ARMC8: variants seen among roughly 807,000 people sequenced by gnomAD.
The protein encoded by ARMC8 is armadillo repeat-containing protein 8.
Under a neutral mutation model 99.3 loss-of-function variants are expected in ARMC8, and 20 were observed. The ratio of observed to expected loss-of-function variants is 0.20; its 90% CI spans 0.14 to 0.29. The LOEUF (loss-of-function observed/expected upper bound fraction) is 0.29. Ranked by LOEUF, ARMC8 falls within the 10% of genes least tolerant of loss-of-function variation. The pLI, the probability that ARMC8 is intolerant of heterozygous loss-of-function variation, is 1.00. For missense variants in ARMC8, 569 were observed against 809.5 expected (o/e 0.70, Z 3.60); for synonymous variants, 263 against 278.3 (o/e 0.95, Z 0.55).
Position 138,245,112 on chromosome 3 carries a change from C to T in ARMC8, c.1063C>T (p.His355Tyr). The T allele has an allele frequency of 2.5e-6, 4 of 1,613,984 alleles. No homozygotes were observed. Among genetic ancestry groups the T allele is most frequent in the South Asian group, 1.1e-5 (1 of 91,058 alleles). Residue 355 changes from histidine to tyrosine, a missense_variant, in exon 12 of 22, where the codon CAC becomes TAC. This residue lies in a region of ARMC8 where 227 missense variants were observed against 417.9 expected (regional missense o/e 0.54). Coordinates refer to ENST00000469044, the MANE Select transcript of ARMC8 (RefSeq NM_001363941.2). The stretch of plus-strand genomic sequence containing the variant: ...GCTTGATCATGATTTAAAACATGCT[C>T]ACGAACTCCGCCAGGCTGCATTCAA... ...KRLDHDLKHA[H>Y]ELRQAAFKLY...
Position 138,228,998 on chromosome 3 carries a change from A to G in ARMC8, c.516A>G (p.Ser172=), listed in dbSNP as rs1423492691. The G allele has an allele frequency of 5.0e-6, 8 of 1,607,540 alleles. No individual in the cohort carries two copies. The highest frequency in any genetic ancestry group is 6.8e-6 in the Non-Finnish European group (8 of 1,176,002). The change falls in exon 6 of 22, where the codon TCA becomes TCG. Residue 172 remains serine, a synonymous_variant. Coordinates refer to ENST00000469044, the MANE Select transcript of ARMC8 (RefSeq NM_001363941.2). ...AGGAGTACATCTGTCAGATCTTCTC[A>G]CACTGCTGTAAAGTAAGAACCAGAA... ...YTQEYICQIF[S]HCCKGPDHQT...
intron 1 of ARMC8, among the ~76,000 whole-genome samples, chr3:138,200,647 G>T (rs554728883): frequency 6.6e-6 from 1 of 152,084 alleles, no homozygotes; most frequent in South Asian, 2.1e-4. Context: ...AATGGATCCT[G>T]ATTAGAACTG....
intron 12 of ARMC8, among the ~76,000 whole-genome samples, chr3:138,259,285 C>T (rs531756646): frequency 2.0e-5 from 3 of 152,302 alleles, no homozygotes; most frequent in African/African-American, 7.2e-5. Flanking sequence ...AGCTCCTTCC[C>T]TGCTGACCTG....
At chr3:138,201,191 C>T (rs1431758577) in intron 1 of ARMC8, among the ~76,000 whole-genome samples, 5 of 151,416 alleles carry the variant, frequency 3.3e-5, no homozygotes, top group South Asian at 2.1e-4. Flanking sequence ...GGATTACAGG[C>T]GTGAGCTATG....
At chr3:138,225,065 G>T (rs1456544700) in intron 5 of ARMC8, among the ~76,000 whole-genome samples, 1 of 150,850 alleles carries the variant, frequency 6.6e-6, no homozygotes, top group African/African-American at 2.4e-5. Context: ...AAGTGGAGAG[G>T]AAGGCATGAG....
At chr3:138,222,246 A>G (rs1358266999) in intron 3 of ARMC8, among the ~76,000 whole-genome samples, 1 of 152,222 alleles carries the variant, frequency 6.6e-6, no homozygotes, top group Admixed American at 6.5e-5. Flanking sequence ...CCTGATGACA[A>G]AAGGGTTCGT....
At chr3:138,279,980 T>G (rs1389422442) in intron 18 of ARMC8, among the ~76,000 whole-genome samples, 1 of 151,840 alleles carries the variant, frequency 6.6e-6, no homozygotes, top group Non-Finnish European at 1.5e-5. Context: ...CTCGGCTCAC[T>G]GCAACCTCTG....
At chr3:138,281,771 C>T (rs1433981548) in intron 18 of ARMC8, among the ~76,000 whole-genome samples, 1 of 152,128 alleles carries the variant, frequency 6.6e-6, no homozygotes, top group Admixed American at 6.5e-5. Flanking sequence ...CTGGTCTATT[C>T]TGAGGGATCT....
At chr3:138,245,346 G>A in intron 12 of ARMC8, 163 bp downstream of exon 12, 5 of 1,480,018 alleles carry the variant, frequency 3.4e-6, no homozygotes, top group South Asian at 2.8e-5. Context: ...CGGATTTGGG[G>A]GGTTGTTTGT....
chr3:138,243,558 C>G (rs2046731711), intron 11 of ARMC8, among the ~76,000 whole-genome samples: 1 of 152,150 alleles, frequency 6.6e-6, no homozygotes, highest in Admixed American at 6.5e-5. Context: ...TTGGGAAGTT[C>G]TTCCTATAAT....
intron 1 of ARMC8, among the ~76,000 whole-genome samples, chr3:138,208,099 TTTG>T (rs1553751905): frequency 4.0e-5 from 6 of 151,040 alleles, no homozygotes; most frequent in African/African-American, 7.3e-5. Flanking sequence ...TTTTTTTTTT[TTTG>T]TTGTTGTTGT....
chr3:138,219,395 A>C (rs1272352420), intron 2 of ARMC8, among the ~76,000 whole-genome samples: 2 of 152,182 alleles, frequency 1.3e-5, no homozygotes, highest in African/African-American at 4.8e-5. Context: ...TACTCTAACA[A>C]AGTGATGACC....
chr3:138,281,026 C>T (rs1035018158), intron 18 of ARMC8, among the ~76,000 whole-genome samples: 2 of 152,172 alleles, frequency 1.3e-5, no homozygotes, highest in Admixed American at 1.3e-4. Context: ...CTCCTCTGTG[C>T]TGTTCTAGCC....
intron 12 of ARMC8, chr3:138,262,675 C>T: frequency 7.8e-7 from 1 of 1,275,956 alleles, no homozygotes. Flanking sequence ...ATGGCCTGGA[C>T]ATAGGATTAA....
intron 18 of ARMC8, among the ~76,000 whole-genome samples, chr3:138,280,120 G>A (rs1453795487): frequency 6.6e-6 from 1 of 151,474 alleles, no homozygotes; most frequent in Non-Finnish European, 1.5e-5. Flanking sequence ...GCCAGGCTGG[G>A]CTCAAACTCC....
intron 12 of ARMC8, among the ~76,000 whole-genome samples, chr3:138,255,289 A>G (rs999744305): frequency 7.4e-5 from 10 of 135,546 alleles, no homozygotes; most frequent in South Asian, 4.5e-4. Context: ...TGCAAGCTCC[A>G]CCTCCCGGGC....
At chr3:138,283,328 T>A (rs2050117157) in intron 18 of ARMC8, among the ~76,000 whole-genome samples, 1 of 152,218 alleles carries the variant, frequency 6.6e-6, no homozygotes, top group South Asian at 2.1e-4. Flanking sequence ...TGGAGAAAAT[T>A]ATGTGAGTCT....
chr3:138,277,736 C>G (rs1240739401), intron 18 of ARMC8, among the ~76,000 whole-genome samples: 2 of 152,186 alleles, frequency 1.3e-5, no homozygotes, highest in South Asian at 2.1e-4. Flanking sequence ...CAGTTTCTTA[C>G]AAAGTTGTAC....
At chr3:138,231,005 T>C (rs753003953) in intron 6 of ARMC8, among the ~76,000 whole-genome samples, 2 of 152,180 alleles carry the variant, frequency 1.3e-5, no homozygotes, top group African/African-American at 2.4e-5. Flanking sequence ...ACTGACAGAA[T>C]GGAAGATGTT....
Sources: gnomAD v4.1 joint callset for allele counts (sites outside exome capture counted in the v4.1 genomes callset) on GRCh38, gnomAD v4.1.1 for gene constraint, gnomAD v4.1.1 regional missense constraint, MANE v1.5 for transcripts, NCBI Gene and HGNC (gene_info 2026-07-23, HGNC 2026-07-21) for gene names.